SHPK: variants seen among roughly 807,000 people sequenced by gnomAD.
The protein encoded by SHPK is carbohydrate kinase-like protein.
In SHPK, 51 loss-of-function variants were observed where a neutral mutation model predicts 46.3. The ratio of observed to expected loss-of-function variants is 1.10; its 90% CI spans 0.88 to 1.39. The LOEUF is 1.39. Ranked by LOEUF, SHPK falls within the 40% of genes most tolerant of loss-of-function variation. SHPK has a pLI of 0.00. For missense variants in SHPK, 668 were observed against 641.3 expected, an observed-to-expected ratio of 1.04 and a Z score of -0.45; for synonymous variants, 290 against 273.9, an observed-to-expected ratio of 1.06 and a Z score of -0.58.
chr17:3,615,299 C>T (rs1339312549), intron 6 of SHPK, 38 bp downstream of exon 6: 2 of 1,601,040 alleles, frequency 1.2e-6, no homozygotes, highest in East Asian at 2.2e-5. Context: ...GTAGAAAGGA[C>T]AGGCAGAGAA....
rs780131331 is a variant in SHPK, at chr17:3,615,395, G to A, written c.966C>T (p.Asn322=). 46 of 1,614,070 alleles carry A rather than the reference G, an allele frequency of 2.8e-5. No homozygotes were observed. The highest frequency in any genetic ancestry group is 1.6e-4 in the African/African-American group (12 of 74,924). Residue 322 remains asparagine (N), a synonymous_variant, in exon 6 of 7, where the codon AAC becomes AAT. Transcript: ENST00000225519. ...CGAACGTGGCCAGCACATTGCCCCCGTTGAGTGACGCGGCCACCCCCAGGT... is the reference window on the plus strand; with the variant it reads ...CGAACGTGGCCAGCACATTGCCCCCATTGAGTGACGCGGCCACCCCCAGGT... The part of the protein sequence containing the change: ...RTYLGVAASL[N]GGNVLATFVH...
At chr17:3,611,800 T>G (rs1007912611) in intron 6 of SHPK, among the ~76,000 whole-genome samples, 158 of 11,560 alleles carry the variant, frequency 0.014, no homozygotes, top group African/African-American at 0.068. Context: ...CTCTGCGGGT[T>G]TTTTTTTTTT....
chr17:3,626,803 G>C (rs1182126516), intron 2 of SHPK, among the ~76,000 whole-genome samples: 5 of 151,676 alleles, frequency 3.3e-5, no homozygotes, highest in Non-Finnish European at 7.4e-5. Flanking sequence ...ATTTAGGCAG[G>C]AGAATCACTT....
At chr17:3,635,565 TCTGTGGAATGAG>T (rs1465513013) in intron 1 of SHPK, among the ~76,000 whole-genome samples, 28 of 152,290 alleles carry the variant, frequency 1.8e-4, no homozygotes, top group Non-Finnish European at 3.8e-4. Context: ...GCATTCTGCT[TCTGTGGAATGAG>T]CCAGGAGCCA....
At chr17:3,623,570 G>C (rs1027292006) in intron 3 of SHPK, 79 bp from the exon 4 acceptor site, 2 of 1,446,936 alleles carry the variant, frequency 1.4e-6, no homozygotes, top group African/African-American at 2.8e-5. Context: ...GCAGGCAGCA[G>C]GGACCAGCTG....
chr17:3,613,166 T>C (rs1045412153), intron 6 of SHPK, among the ~76,000 whole-genome samples: 1 of 152,210 alleles, frequency 6.6e-6, no homozygotes, highest in African/African-American at 2.4e-5. Context: ...CCAGGCTTTC[T>C]GAGGAGACAG....
In SHPK at chr17:3,615,495, G is replaced by C; in HGVS notation, c.866C>G (p.Pro289Arg). The change falls in exon 6 of 7, where the codon CCT (proline) becomes CGT (arginine). Residue 289 changes from proline (P) to arginine (R), a missense_variant. Coordinates refer to ENST00000225519, the MANE Select transcript of SHPK (RefSeq NM_013276.4). ...STSVQLAASM[P>R]SGFQPAQTPD... ...AGTCTGTGCAGGCTGGAATCCTGAA[G>C]GCATGGAGGCTGCCAGCTGAACCGA... is the stretch of plus-strand genomic sequence containing the variant. 1 of 1,614,182 alleles carries C rather than the reference G, an allele frequency of 6.2e-7. No homozygotes were observed. The highest frequency in any genetic ancestry group is 8.5e-7 in the Non-Finnish European group (1 of 1,180,036).
At chr17:3,618,530 C>A (rs2075380946) in intron 5 of SHPK, among the ~76,000 whole-genome samples, 1 of 152,018 alleles carries the variant, frequency 6.6e-6, no homozygotes, top group African/African-American at 2.4e-5. Context: ...GCCTGTAATC[C>A]CAGCACTTTA....
rs1202159825 is a variant in SHPK at position 3,610,751 on chromosome 17, T to C, written c.1246A>G (p.Ile416Val). The change falls in exon 7 of 7, where the codon ATT (isoleucine) becomes GTT (valine). Residue 416 changes from isoleucine to valine, a missense_variant. Ile to Val is a conservative substitution (Grantham distance 29). Coordinates refer to ENST00000225519, the MANE Select transcript of SHPK (RefSeq NM_013276.4). ...IVQNLHSMLP[I>V]QQLQEWGVER... ...ACGCCCCACTCCTGGAGCTGCTGAA[T>C]CGGAAGCATGGAGTGCAGGTTCTGA... The C allele has an allele frequency of 3.7e-6, 6 of 1,613,950 alleles. No homozygotes were observed. Among genetic ancestry groups the C allele is most frequent in the Non-Finnish European group, 4.2e-6 (5 of 1,179,990 alleles).
In SHPK at chr17:3,636,051, C is replaced by G. The variant is rs762885215; in HGVS notation, c.168+1G>C. On this transcript the variant is annotated splice_donor_variant, in intron 1 of 6. Transcript: ENST00000225519. LOFTEE classifies it high-confidence loss of function. ...GGCGCGGCCCCGGGGGTCCAACTCA[C>G]CTGGGGCCCGGCCACCGCGCTCTCG... 3 of 1,554,964 alleles carry G rather than the reference C, an allele frequency of 1.9e-6. No homozygotes were observed. The highest frequency in any genetic ancestry group is 4.8e-5 in the East Asian group (2 of 41,616).
chr17:3,635,243 A>AAGGG (rs1567688973), intron 1 of SHPK, among the ~76,000 whole-genome samples: 74 of 147,088 alleles, frequency 5.0e-4, no homozygotes, highest in African/African-American at 1.6e-3. Flanking sequence ...GGAAGGAAGG[A>AAGGG]AGGGAAGGAA....
At chr17:3,628,626 A>G (rs541545529) in intron 2 of SHPK, among the ~76,000 whole-genome samples, 1 of 151,748 alleles carries the variant, frequency 6.6e-6, no homozygotes, top group Admixed American at 6.6e-5. Flanking sequence ...TGGCCAATAT[A>G]ATTTCTTTTA....
chr17:3,620,545 C>A (rs1274805676), intron 5 of SHPK, among the ~76,000 whole-genome samples: 1 of 151,468 alleles, frequency 6.6e-6, no homozygotes, highest in African/African-American at 2.4e-5. Flanking sequence ...GGATTACAGG[C>A]ATGAGCCACT....
At chr17:3,631,848 TG>T (rs2075474532) in intron 1 of SHPK, among the ~76,000 whole-genome samples, 1 of 151,732 alleles carries the variant, frequency 6.6e-6, no homozygotes, top group Admixed American at 6.6e-5. Flanking sequence ...AAACTGATAA[TG>T]TGCTGGATAC....
Position 3,624,184 on chromosome 17 carries a change from C to T in SHPK, c.358G>A (p.Ala120Thr), listed in dbSNP as rs2075419371. 1 of 1,614,092 alleles carries T rather than the reference C, an allele frequency of 6.2e-7. No individual in the cohort carries two copies. Among genetic ancestry groups the T allele is most frequent in the Non-Finnish European group, 8.5e-7 (1 of 1,179,948 alleles). ...TGCCACGTGACCAGGTGGCTAACAG[C>T]TCGGGGCTCGAACACCGGGGTAATC... ...GGITPVFEPR[A>T]VSHLVTWQDG... Residue 120 changes from alanine (A) to threonine (T), a missense_variant, in exon 3 of 7, where the codon GCT (alanine) becomes ACT (threonine). Physicochemically the swap from Ala to Thr is moderately conservative, Grantham distance 58. Transcript: ENST00000225519.
Position 3,614,944 on chromosome 17 carries a change from C to A in SHPK, c.1024+393G>T, listed in dbSNP as rs573325243. ...ATATAAGTGCATTGTAAGTGAAATA[C>A]GCACCATTGTAAGTCAAGGAGCAAC... On this transcript the variant is annotated intron_variant, in intron 6 of 6. Coordinates refer to ENST00000225519, the MANE Select transcript of SHPK (RefSeq NM_013276.4). 5.3e-5 allele frequency among the ~76,000 whole-genome samples: 8 copies of A among 151,990 alleles called. No homozygotes were observed. In the South Asian group the frequency reaches 1.7e-3, roughly 32 times the overall value.
intron 6 of SHPK, among the ~76,000 whole-genome samples, chr17:3,612,546 A>G (rs947801899): frequency 2.6e-5 from 4 of 152,172 alleles, no homozygotes; most frequent in Non-Finnish European, 4.4e-5. Flanking sequence ...AAAGTTATCA[A>G]CATCAGGGTT....
At chr17:3,623,102 G>A (rs893180432) in intron 4 of SHPK, among the ~76,000 whole-genome samples, 6 of 152,210 alleles carry the variant, frequency 3.9e-5, no homozygotes, top group South Asian at 2.1e-4. Context: ...GGGTCTGGGC[G>A]GCTGTGGAGG....
intron 2 of SHPK, among the ~76,000 whole-genome samples, chr17:3,624,493 A>G (rs774224149): frequency 3.3e-4 from 50 of 151,870 alleles, no homozygotes; most frequent in Non-Finnish European, 6.5e-4. Context: ...AGTTGATATC[A>G]TATCTCCCCA....
Sources: gnomAD v4.1 joint callset for allele counts (sites outside exome capture counted in the v4.1 genomes callset) on GRCh38, gnomAD v4.1.1 for gene constraint, MANE v1.5 for transcripts, NCBI Gene and HGNC (gene_info 2026-07-23, HGNC 2026-07-21) for gene names.